The following DUOXA1 variants were observed in gnomAD, a reference collection of about 807,000 sequenced individuals.
The protein encoded by DUOXA1 is dual oxidase maturation factor 1.
DUOXA1 carries 19 observed loss-of-function variants against 26.6 expected under a neutral mutation model. The ratio of observed to expected loss-of-function variants is 0.71; its 90% confidence interval spans 0.50 to 1.05. The LOEUF (loss-of-function observed/expected upper bound fraction) is 1.05, where lower values mean the gene tolerates loss of function less well. Among genes scored for constraint, DUOXA1 ranks in the 50% least tolerant of loss-of-function variants. The pLI is 0.00. For synonymous variants in DUOXA1, 166 were observed against 177.0 expected (o/e 0.94, Z 0.49); for missense variants, 403 against 427.5 (o/e 0.94, Z 0.51).
chr15:45,117,676 C>T lies in DUOXA1; in HGVS notation c.*1430G>A. ...ACCAGCCTGGGCAACATAGCCCTGA[C>T]TCCACATGCCCTCCTTTCTTTCGAT... On this transcript the variant is annotated 3_prime_UTR_variant, in exon 9 of 9. Transcript: ENST00000560572. The T allele has an allele frequency of 6.2e-7, 1 of 1,613,924 alleles. No individual in the cohort carries two copies. Among genetic ancestry groups the T allele is most frequent in the Non-Finnish European group, 8.5e-7 (1 of 1,179,974 alleles).
At chr15:45,128,005 G>C (rs771330214) in intron 3 of DUOXA1, among the ~76,000 whole-genome samples, 7 of 152,096 alleles carry the variant, frequency 4.6e-5, no homozygotes, top group Non-Finnish European at 1.0e-4. Context: ...TCATGGGGTG[G>C]GGGGAGTTTC....
In DUOXA1 at chr15:45,118,677, A is replaced by T; in HGVS notation, c.*429T>A. The T allele has an allele frequency of 4.0e-6, 4 of 993,296 alleles. No individual in the cohort carries two copies. The highest frequency in any genetic ancestry group is 4.8e-6 in the Non-Finnish European group (4 of 835,710). 61.5% of individuals were successfully genotyped at this position (993,296 alleles called of 1,614,324 possible). ...CACAAGCTGGAGAAGTAAAGGAAGAACAAAAGGAACCCAGGAAAAAGGAAA... is the reference window on the plus strand; with the variant it reads ...CACAAGCTGGAGAAGTAAAGGAAGATCAAAAGGAACCCAGGAAAAAGGAAA... On this transcript the variant is annotated 3_prime_UTR_variant, in exon 9 of 9. Transcript: ENST00000560572.
At chr15:45,126,851 C>A (rs909198754) in intron 3 of DUOXA1, among the ~76,000 whole-genome samples, 1 of 152,220 alleles carries the variant, frequency 6.6e-6, no homozygotes, top group Non-Finnish European at 1.5e-5. Context: ...TTTGACTAAC[C>A]CTGTCAACTT....
At position 45,119,989 on chromosome 15, in the gene DUOXA1, C is replaced by G; in HGVS notation, c.772+114G>C. Reference sequence around the variant, plus strand: ...CAAGAGGGTGGGACTTTAAAGAGGGCAAAGCCATCCTGGCCTCCAGGAACA... The same window carrying G: ...CAAGAGGGTGGGACTTTAAAGAGGGGAAAGCCATCCTGGCCTCCAGGAACA... On this transcript the variant is annotated intron_variant, in intron 8 of 8. Transcript: ENST00000560572. 10 of 1,258,654 alleles carry G rather than the reference C, an allele frequency of 7.9e-6. No individual in the cohort carries two copies. In the South Asian group the frequency reaches 1.1e-4, roughly 14 times the overall value. The allele number at this position is 1,258,654 out of a possible 1,614,324, so 78.0% of individuals were successfully genotyped here. A position where few individuals can be genotyped will look rare whatever the true frequency, so the allele number is the denominator to read the frequency against.
chr15:45,118,129 T>A lies in DUOXA1; in HGVS notation c.*977A>T. On this transcript the variant is annotated 3_prime_UTR_variant, in exon 9 of 9. Transcript: ENST00000560572. ...AAACTGTTTTTCCCATTAATTTTCA[T>A]GGCTTCTCCGCGCCGGGGTCGCACG... The A allele has an allele frequency of 1.4e-6, 2 of 1,444,426 alleles. No individual in the cohort carries two copies. The highest frequency in any genetic ancestry group is 1.8e-6 in the Non-Finnish European group (2 of 1,103,804). 89.5% of individuals were successfully genotyped at this position (1,444,426 alleles called of 1,614,324 possible). A position where few individuals can be genotyped will look rare whatever the true frequency, so the allele number is the denominator to read the frequency against.
chr15:45,126,317 T>C (rs771512474), intron 3 of DUOXA1, among the ~76,000 whole-genome samples: 1 of 152,252 alleles, frequency 6.6e-6, no homozygotes, highest in Non-Finnish European at 1.5e-5. Flanking sequence ...GCCTAGTCTA[T>C]AGCCATACTG....
In DUOXA1 at chr15:45,117,709, G is replaced by T. The variant is rs773750998; in HGVS notation, c.*1397C>A. 6.8e-6 allele frequency: 11 copies of T among 1,613,274 alleles called. No individual in the cohort carries two copies. In the East Asian group the frequency reaches 2.5e-4, roughly 36 times the overall value. ...GCCCTCCTTTCTTTCGATCCCCACC[G>T]CCACAGGCGTCCTGTGCCTCTTCCT... On this transcript the variant is annotated 3_prime_UTR_variant, in exon 9 of 9. Coordinates refer to ENST00000560572, the MANE Select transcript of DUOXA1 (RefSeq NM_001276266.2).
At chr15:45,123,110 G>A in intron 3 of DUOXA1, 67 bp from the exon 4 acceptor site, 2 of 1,424,622 alleles carry the variant, frequency 1.4e-6, no homozygotes, top group East Asian at 2.6e-5. Flanking sequence ...TAGTGCTGGA[G>A]ATACAGCACA....
Position 45,129,129 on chromosome 15 carries a change from G to A in DUOXA1, c.-141C>T, listed in dbSNP as rs985839306. On this transcript the variant is annotated 5_prime_UTR_variant, in exon 3 of 9. Coordinates refer to ENST00000560572, the MANE Select transcript of DUOXA1 (RefSeq NM_001276266.2). The surrounding 1 kb of genome is among the most constrained non-coding windows in gnomAD (Gnocchi z 4.1). Reference sequence around the variant, plus strand: ...GTGATTAAAGAGGGAACCAGGTCCCGACGTTCTGTGAACAAACGCGCGCCC... The same window carrying A: ...GTGATTAAAGAGGGAACCAGGTCCCAACGTTCTGTGAACAAACGCGCGCCC... 2 of 152,066 alleles carry A rather than the reference G, an allele frequency of 1.3e-5. No individual in the cohort carries two copies. The highest frequency in any genetic ancestry group is 4.8e-5 in the African/African-American group (2 of 41,404). The allele number at this position is 152,066 out of a possible 1,614,324, so 9.4% of individuals were successfully genotyped here.
Position 45,123,036 on chromosome 15 carries a change from G to A in DUOXA1, c.-22C>T. On this transcript the variant is annotated 5_prime_UTR_variant, in exon 4 of 9. Coordinates refer to ENST00000560572, the MANE Select transcript of DUOXA1 (RefSeq NM_001276266.2). ...CCATCTTGGTGAGGTGGTGCAGGGG[G>A]GGCAATGCTGTACAACAACAATAGA... The A allele has an allele frequency of 6.3e-7, 1 of 1,597,110 alleles. No individual in the cohort carries two copies.
chr15:45,122,907 G>A lies in DUOXA1; in HGVS notation c.108C>T (p.Ala36=). 6.2e-7 allele frequency: 1 copy of A among 1,612,732 alleles called. No homozygotes were observed. The highest frequency in any genetic ancestry group is 8.5e-7 in the Non-Finnish European group (1 of 1,179,570). Residue 36 remains alanine (A), a synonymous_variant, in exon 4 of 9, where the codon GCC becomes GCT. Coordinates refer to ENST00000560572, the MANE Select transcript of DUOXA1 (RefSeq NM_001276266.2). The stretch of plus-strand genomic sequence containing the variant: ...TGCCAGGCAGGATGACGATGAACGT[G>A]GCCAGTGCAGTCAGAAAGATCATGA... ...SIIMIFLTAL[A]TFIVILPGIR...
At chr15:45,120,527 G>A in intron 7 of DUOXA1, 65 bp downstream of exon 7, 2 of 1,567,502 alleles carry the variant, frequency 1.3e-6, no homozygotes, top group Non-Finnish European at 1.8e-6. Flanking sequence ...AGGAGAGATG[G>A]GTAGAAACCC....
In DUOXA1 at chr15:45,117,537, G is replaced by A. The variant is rs1456044573; in HGVS notation, c.*1569C>T. ...AATTCAGATTAGAGGTGTGTGGCGG[G>A]AGGTAACACAAGGGGTAGGCTCCAA... On this transcript the variant is annotated 3_prime_UTR_variant, in exon 9 of 9. Transcript: ENST00000560572. The A allele has an allele frequency of 1.9e-6, 3 of 1,564,470 alleles. No homozygotes were observed. The South Asian group carries it at 3.5e-5, about 18-fold the overall frequency.
rs764834559 is a variant in DUOXA1 at position 45,120,783 on chromosome 15, A to G, written c.363T>C (p.Asn121=). The change falls in exon 7 of 9, where the codon AAT becomes AAC. Residue 121 remains asparagine (N), a synonymous_variant. Transcript: ENST00000560572. The part of the protein sequence containing the change: ...TLTGTPVQQL[N]ETINYNEEFT... ...ACTCCTCGTTGTAATTGATGGTCTCATTCAGCTGCTGCACGGGGGTCCCTA... is the reference window on the plus strand; with the variant it reads ...ACTCCTCGTTGTAATTGATGGTCTCGTTCAGCTGCTGCACGGGGGTCCCTA... 2 of 1,613,916 alleles carry G rather than the reference A, an allele frequency of 1.2e-6. No homozygotes were observed. The highest frequency in any genetic ancestry group is 1.7e-6 in the Non-Finnish European group (2 of 1,179,854).
Position 45,118,493 on chromosome 15 carries a change from T to G in DUOXA1, c.*613A>C, listed in dbSNP as rs1403160031. ...TAGGTGTCAGCAAGGCATAGAAAGATAAATCCCAAGATTCTTGGCAAGTCT... is the reference window on the plus strand; with the variant it reads ...TAGGTGTCAGCAAGGCATAGAAAGAGAAATCCCAAGATTCTTGGCAAGTCT... On this transcript the variant is annotated 3_prime_UTR_variant, in exon 9 of 9. Coordinates refer to ENST00000560572, the MANE Select transcript of DUOXA1 (RefSeq NM_001276266.2). The G allele has an allele frequency of 1.0e-6, 1 of 998,984 alleles. No homozygotes were observed. Among genetic ancestry groups the G allele is most frequent in the Non-Finnish European group, 1.2e-6 (1 of 839,316 alleles). The allele number at this position is 998,984 out of a possible 1,614,324, so 61.9% of individuals were successfully genotyped here.
Position 45,120,712 on chromosome 15 carries a change from G to A in DUOXA1, c.434C>T (p.Ala145Val). The change falls in exon 7 of 9, where the codon GCT becomes GTT. Residue 145 changes from alanine to valine, a missense_variant. By Grantham distance (64) the Ala-to-Val change is moderately conservative. Transcript: ENST00000560572. ...GENYAEEYAK[A>V]LEKGLPDPVL... ...AGGGTCTGGCAGCCCCTTCTCCAGA[G>A]CCTTTGCATACTCCTCAGCATAGTT... 1.2e-6 allele frequency: 2 copies of A among 1,614,114 alleles called. No individual in the cohort carries two copies. Among genetic ancestry groups the A allele is most frequent in the Non-Finnish European group, 8.5e-7 (1 of 1,180,002 alleles).
At position 45,119,276 on chromosome 15, in the gene DUOXA1, C is replaced by G. The variant is rs773823827; in HGVS notation, c.862G>C (p.Asp288His). 1 of 1,614,146 alleles carries G rather than the reference C, an allele frequency of 6.2e-7. No homozygotes were observed. Among genetic ancestry groups the G allele is most frequent in the Non-Finnish European group, 8.5e-7 (1 of 1,180,016 alleles). Residue 288 changes from aspartate (D) to histidine (H), a missense_variant, in exon 9 of 9, where the codon GAT (aspartate) becomes CAT (histidine). Physicochemically the swap from Asp to His is moderately conservative, Grantham distance 81. Coordinates refer to ENST00000560572, the MANE Select transcript of DUOXA1 (RefSeq NM_001276266.2). ...CTCCACTCCAGCATGGGGTCTTCAT[C>G]CACACTCTGGTTGAAGAAAGCCTTC... ...RLKAFFNQSV[D>H]EDPMLEWSPE...
chr15:45,121,757 T>C lies in DUOXA1; in HGVS notation c.205+428A>G, dbSNP rs553081043. Among the ~76,000 whole-genome samples the C allele has an allele frequency of 2.6e-5, 4 of 152,324 alleles. No individual in the cohort carries two copies. The East Asian group carries it at 7.7e-4, about 29-fold the overall frequency. ...ATCTCGAACTCCTGATCTCAGGTGA[T>C]CTACCCACCTCAGCCTCCCAAAGTG... is the stretch of plus-strand genomic sequence containing the variant. On this transcript the variant is annotated intron_variant, in intron 5 of 8. Coordinates refer to ENST00000560572, the MANE Select transcript of DUOXA1 (RefSeq NM_001276266.2).
rs1188489368 is a variant in DUOXA1, at chr15:45,122,232, C to T, written c.158G>A (p.Trp53Ter). The T allele has an allele frequency of 6.2e-7, 1 of 1,604,832 alleles. No homozygotes were observed. Among genetic ancestry groups the T allele is most frequent in the South Asian group, 1.1e-5 (1 of 89,010 alleles). The change falls in exon 5 of 9, where the codon TGG becomes TAG. Residue 53 changes from tryptophan to a stop codon, truncating the protein, a stop_gained. Transcript: ENST00000560572. LOFTEE classifies it high-confidence loss of function. ...PGIRGKTRLF[W>*]LLRVVTSLFI... ...TAAGCTGGTCACCACCCGAAGCAGC[C>T]AGAACAGCCTCTGAGTCACAAGGTA...
Sources: gnomAD v4.1 joint callset for allele counts (sites outside exome capture counted in the v4.1 genomes callset) on GRCh38, gnomAD v4.1.1 for gene constraint, Gnocchi (gnomAD v3.1) non-coding constraint, MANE v1.5 for transcripts, NCBI Gene and HGNC (gene_info 2026-07-23, HGNC 2026-07-21) for gene names.